ANKRD11: variants seen among roughly 807,000 people sequenced by gnomAD.
The protein encoded by ANKRD11 is ankyrin repeat domain 11, also known as ankyrin repeat domain-containing protein 11.
A neutral mutation model predicts 195.7 loss-of-function variants in ANKRD11; 17 were observed. That is an observed-to-expected ratio of 0.09 (90% CI 0.06 to 0.13). ANKRD11 has a LOEUF of 0.13. Among genes scored for constraint, ANKRD11 ranks in the 10% least tolerant of loss-of-function variants. ANKRD11 has a pLI of 1.00. For synonymous variants in ANKRD11, 1,953 were observed against 1,528.1 expected (o/e 1.28, Z -6.49); for missense variants, 3,735 against 3,566.1 (o/e 1.05, Z -1.21).
At chr16:89,464,768 A>G (rs2152339882) in intron 1 of ANKRD11, among the ~76,000 whole-genome samples, 1 of 152,344 alleles carries the variant, frequency 6.6e-6, no homozygotes, top group East Asian at 1.9e-4. Flanking sequence ...TTAAGTTTAG[A>G]GAAAACAGAG....
At chr16:89,294,976 C>T (rs2035321211) in intron 4 of ANKRD11, among the ~76,000 whole-genome samples, 1 of 152,260 alleles carries the variant, frequency 6.6e-6, no homozygotes, top group South Asian at 2.1e-4. Flanking sequence ...GTTCCTGTAG[C>T]ATTCTGCAAA....
chr16:89,336,705 AG>A, intron 2 of ANKRD11, among the ~76,000 whole-genome samples: 1 of 152,330 alleles, frequency 6.6e-6, no homozygotes. Flanking sequence ...CTGTCCTAAA[AG>A]CACGCCCTAC....
At chr16:89,335,170 G>A (rs2038283379) in intron 2 of ANKRD11, among the ~76,000 whole-genome samples, 2 of 152,206 alleles carry the variant, frequency 1.3e-5, no homozygotes, top group African/African-American at 4.8e-5. Flanking sequence ...ACTGTGGAAA[G>A]CACAGGAAGT....
chr16:89,403,460 G>C (rs562736650), intron 2 of ANKRD11, among the ~76,000 whole-genome samples: 1 of 152,184 alleles, frequency 6.6e-6, no homozygotes, highest in South Asian at 2.1e-4. Flanking sequence ...CAGTAAGCGA[G>C]GCCCCGCGCT....
At chr16:89,475,568 A>C (rs1465550305) in intron 1 of ANKRD11, among the ~76,000 whole-genome samples, 1 of 152,184 alleles carries the variant, frequency 6.6e-6, no homozygotes, top group Non-Finnish European at 1.5e-5. Context: ...TTTATTCACT[A>C]CCCACACAAA....
At chr16:89,375,205 C>T (rs987687363) in intron 2 of ANKRD11, among the ~76,000 whole-genome samples, 11 of 152,064 alleles carry the variant, frequency 7.2e-5, no homozygotes, top group African/African-American at 2.4e-4. Context: ...TCAAGTGTGT[C>T]GGTATCCGCT....
intron 2 of ANKRD11, among the ~76,000 whole-genome samples, chr16:89,389,150 C>A (rs1216524075): frequency 6.6e-6 from 1 of 151,930 alleles, no homozygotes; most frequent in African/African-American, 2.4e-5. Flanking sequence ...TTCTGAGTGG[C>A]TGGGATGACA....
chr16:89,466,773 G>A (rs775723357), intron 1 of ANKRD11, among the ~76,000 whole-genome samples: 3 of 152,164 alleles, frequency 2.0e-5, no homozygotes, highest in East Asian at 1.9e-4. Flanking sequence ...AAGACAACTC[G>A]GTAGCAGCAA....
intron 2 of ANKRD11, among the ~76,000 whole-genome samples, chr16:89,356,559 CAGG>C: frequency 6.7e-6 from 1 of 149,512 alleles, no homozygotes; most frequent in East Asian, 2.0e-4. Flanking sequence ...ATCACGAGGT[CAGG>C]AGATCGAGAC....
chr16:89,344,697 G>A (rs1395788079), intron 2 of ANKRD11, among the ~76,000 whole-genome samples: 2 of 152,138 alleles, frequency 1.3e-5, no homozygotes, highest in African/African-American at 4.8e-5. Flanking sequence ...GACACCTTCA[G>A]ACTGGGAAGA....
chr16:89,449,781 GA>G (rs2043983119), intron 1 of ANKRD11, among the ~76,000 whole-genome samples: 1 of 152,078 alleles, frequency 6.6e-6, no homozygotes, highest in Non-Finnish European at 1.5e-5. Context: ...CAACAAAAGC[GA>G]AACTCCATCT....
At position 89,290,530 on chromosome 16, in the gene ANKRD11, TCAGGGCTCCAATG is replaced by T; in HGVS notation, c.601+82_601+94del. The T allele has an allele frequency of 2.3e-6, 3 of 1,282,054 alleles. No homozygotes were observed. The East Asian group carries it at 7.3e-5, about 31-fold the overall frequency. 79.4% of individuals were successfully genotyped at this position (1,282,054 alleles called of 1,614,324 possible). A position where few individuals can be genotyped will look rare whatever the true frequency, so the allele number is the denominator to read the frequency against. ...GCTCAGGGCTCCAATGGGGGGAGGC[TCAGGGCTCCAATG>T]GGGGGAGGCTCAGGACTCCACTGGG... On this transcript the variant is annotated intron_variant, in intron 6 of 12. Coordinates refer to ENST00000301030, the MANE Select transcript of ANKRD11 (RefSeq NM_013275.6).
At chr16:89,389,463 G>C (rs116215071) in intron 2 of ANKRD11, among the ~76,000 whole-genome samples, 1 of 152,214 alleles carries the variant, frequency 6.6e-6, no homozygotes, top group African/African-American at 2.4e-5. Flanking sequence ...GACACAGAAG[G>C]CAAAATTAGT....
intron 2 of ANKRD11, among the ~76,000 whole-genome samples, chr16:89,387,542 G>A (rs1326367546): frequency 1.3e-5 from 2 of 151,800 alleles, no homozygotes; most frequent in Admixed American, 6.6e-5. Flanking sequence ...GCGTGGTGGC[G>A]GGCGCCTGTA....
chr16:89,288,198 G>A, intron 7 of ANKRD11: 1 of 611,178 alleles, frequency 1.6e-6, no homozygotes. Context: ...CCACAGTGGT[G>A]ACGGGGACCG....
intron 2 of ANKRD11, among the ~76,000 whole-genome samples, chr16:89,385,252 C>T (rs1458821464): frequency 2.0e-5 from 3 of 151,486 alleles, no homozygotes; most frequent in Admixed American, 1.3e-4. Flanking sequence ...TGCAATGGCC[C>T]GTCTCAGCTC....
intron 1 of ANKRD11, among the ~76,000 whole-genome samples, chr16:89,470,620 T>C (rs944476176): frequency 3.3e-5 from 5 of 151,246 alleles, no homozygotes; most frequent in Non-Finnish European, 7.4e-5. Context: ...CAAAGGCAGG[T>C]AGATCACAAG....
At chr16:89,477,230 G>T (rs976815455) in intron 1 of ANKRD11, among the ~76,000 whole-genome samples, 4 of 150,358 alleles carry the variant, frequency 2.7e-5, no homozygotes, top group Non-Finnish European at 5.9e-5. Flanking sequence ...TCTCACTCTG[G>T]TGCCCAAGCT....
intron 2 of ANKRD11, among the ~76,000 whole-genome samples, chr16:89,406,927 C>G (rs2041929187): frequency 6.6e-6 from 1 of 152,196 alleles, no homozygotes; most frequent in South Asian, 2.1e-4. Flanking sequence ...GCCCATAATC[C>G]CAGCACTTTG....
Sources: gnomAD v4.1 joint callset for allele counts (sites outside exome capture counted in the v4.1 genomes callset) on GRCh38, gnomAD v4.1.1 for gene constraint, MANE v1.5 for transcripts, NCBI Gene and HGNC (gene_info 2026-07-23, HGNC 2026-07-21) for gene names.